The following PLEKHA5 variants were observed in gnomAD, a reference collection of about 807,000 sequenced individuals.
The protein encoded by PLEKHA5 is pleckstrin homology domain containing A5, also known as pleckstrin homology domain-containing family A member 5.
Under a neutral mutation model 181.9 loss-of-function variants are expected in PLEKHA5, and 55 were observed. The ratio of observed to expected loss-of-function variants is 0.30; its 90% confidence interval spans 0.24 to 0.38. PLEKHA5 has a LOEUF of 0.38. Among genes scored for constraint, PLEKHA5 ranks in the 10% least tolerant of loss-of-function variants. The probability of loss-of-function intolerance (pLI) is 1.00; values close to 1 mark genes in which losing one functional copy is unlikely to be tolerated. For synonymous variants in PLEKHA5, 535 were observed against 529.4 expected (o/e 1.01, Z -0.15); for missense variants, 1,432 against 1,549.5 (o/e 0.92, Z 1.27).
chr12:19,232,047 A>G (rs1172001852), intron 3 of PLEKHA5, among the ~76,000 whole-genome samples: 1 of 152,150 alleles, frequency 6.6e-6, no homozygotes, highest in Non-Finnish European at 1.5e-5. Context: ...ACGGGGAAGA[A>G]ATAGGATTAG....
At chr12:19,170,605 A>T (rs2045670370) in intron 3 of PLEKHA5, among the ~76,000 whole-genome samples, 1 of 152,184 alleles carries the variant, frequency 6.6e-6, no homozygotes, top group Admixed American at 6.5e-5. Context: ...TTTTTAGTAG[A>T]GACGAGGTTT....
At chr12:19,240,444 T>G (rs576413602) in intron 3 of PLEKHA5, among the ~76,000 whole-genome samples, 66 of 150,090 alleles carry the variant, frequency 4.4e-4, no homozygotes, top group African/African-American at 1.6e-3. Flanking sequence ...TAGGGAGTTT[T>G]TTTTTTTTTT....
chr12:19,230,335 C>T (rs961006517), intron 3 of PLEKHA5, among the ~76,000 whole-genome samples: 4 of 152,336 alleles, frequency 2.6e-5, no homozygotes, highest in African/African-American at 7.2e-5. Flanking sequence ...GGCGGACCTG[C>T]CCACCAGTCC....
chr12:19,201,755 A>G (rs1217054326), intron 3 of PLEKHA5: 2 of 152,138 alleles, frequency 1.3e-5, no homozygotes, highest in African/African-American at 4.8e-5. Context: ...TTTCCCAGAA[A>G]GGCAAATTAT....
intron 22 of PLEKHA5, among the ~76,000 whole-genome samples, chr12:19,345,089 G>A (rs1426121489): frequency 4.0e-5 from 6 of 151,430 alleles, no homozygotes; most frequent in Non-Finnish European, 8.8e-5. Context: ...CTGGGCAACA[G>A]AGTGAAAAAC....
At chr12:19,236,194 G>C (rs76845976) in intron 3 of PLEKHA5, among the ~76,000 whole-genome samples, 4 of 152,244 alleles carry the variant, frequency 2.6e-5, no homozygotes, top group Middle Eastern at 3.4e-3. Context: ...TGTTCACCAC[G>C]ATGTTAACAA....
At chr12:19,306,896 C>T in intron 15 of PLEKHA5, 1 of 812,842 alleles carries the variant, frequency 1.2e-6, no homozygotes, top group South Asian at 1.5e-5. Flanking sequence ...TAAGGCTTGT[C>T]TCTGTTGGCA....
intron 3 of PLEKHA5, among the ~76,000 whole-genome samples, chr12:19,166,650 A>G (rs778678904): frequency 1.3e-5 from 2 of 152,200 alleles, no homozygotes; most frequent in Non-Finnish European, 2.9e-5. Flanking sequence ...ACTCTCTGCA[A>G]TTTACTAGTT....
At position 19,203,862 on chromosome 12, in the gene PLEKHA5, CT is replaced by C. The variant is rs1247386863; in HGVS notation, c.228-50073del. Reference sequence around the variant, plus strand: ...TCACAGTTAGATTTTTTATTTGTTTCTTTTTAGTGAAGAATTTTCACTTTCT... The same window carrying C: ...TCACAGTTAGATTTTTTATTTGTTTCTTTTAGTGAAGAATTTTCACTTTCT... On this transcript the variant is annotated intron_variant, in intron 3 of 31. Coordinates refer to ENST00000429027, the MANE Select transcript of PLEKHA5 (RefSeq NM_001256470.2). Among the ~76,000 whole-genome samples the C allele has an allele frequency of 2.0e-4, 31 of 151,728 alleles. No homozygotes were observed. In the East Asian group the frequency reaches 6.0e-3, roughly 29 times the overall value.
At chr12:19,297,584 TGCAGTCC>T (rs1354002483) in intron 15 of PLEKHA5, among the ~76,000 whole-genome samples, 1 of 141,020 alleles carries the variant, frequency 7.1e-6, no homozygotes, top group Non-Finnish European at 1.5e-5. Flanking sequence ...ATTGCGCCAC[TGCAGTCC>T]GCAGTCCGGC....
chr12:19,212,835 G>GT (rs11290352), intron 3 of PLEKHA5, among the ~76,000 whole-genome samples: 35 of 138,152 alleles, frequency 2.5e-4, no homozygotes, highest in African/African-American at 5.1e-4. Context: ...TTTTTTTGTT[G>GT]TTTTTTTTTT....
intron 3 of PLEKHA5, among the ~76,000 whole-genome samples, chr12:19,212,354 A>G (rs2057087242): frequency 6.6e-6 from 1 of 152,216 alleles, no homozygotes; most frequent in Non-Finnish European, 1.5e-5. Context: ...GGCATCTGTT[A>G]AAACATTACT....
chr12:19,341,605 T>C (rs2093933549), intron 21 of PLEKHA5, among the ~76,000 whole-genome samples: 1 of 152,158 alleles, frequency 6.6e-6, no homozygotes, highest in Admixed American at 6.6e-5. Flanking sequence ...ACTTAGGTTA[T>C]GTAGTGCCTT....
intron 16 of PLEKHA5, among the ~76,000 whole-genome samples, chr12:19,316,768 CTG>C (rs560779292): frequency 7.4e-4 from 112 of 152,246 alleles, no homozygotes; most frequent in Admixed American, 1.7e-3. Flanking sequence ...ATTTTTTAAA[CTG>C]TGTTTATAAA....
intron 3 of PLEKHA5, among the ~76,000 whole-genome samples, chr12:19,163,912 C>G (rs1194462353): frequency 1.3e-5 from 2 of 152,112 alleles, no homozygotes; most frequent in Non-Finnish European, 2.9e-5. Context: ...ATTTTTCCTT[C>G]TAGCAACCAA....
intron 24 of PLEKHA5, 84 bp from the exon 25 acceptor site, chr12:19,348,315 A>T (rs1213837956): frequency 1.0e-6 from 1 of 979,010 alleles, no homozygotes; most frequent in Non-Finnish European, 1.5e-6. Context: ...TAATGTTTAG[A>T]GTTTGATTTG....
rs35536570 is a variant in PLEKHA5 at position 19,253,064 on chromosome 12, CTTTTTTTTT to C, written c.228-858_228-850del. Among the ~76,000 whole-genome samples the C allele has an allele frequency of 6.1e-4, 28 of 45,874 alleles. 1 individual carries two copies. Among genetic ancestry groups the C allele is most frequent in the South Asian group, 2.2e-3 (2 of 920 alleles). The allele number at this position is 45,874 out of a possible 152,430, so 30.1% of individuals were successfully genotyped here. ...GAGCTAAACAGCCAAATCAACTTACCTTTTTTTTTTTTTTTTTTTTTTTTTTGGGAGACA... is the reference window on the plus strand; with the variant it reads ...GAGCTAAACAGCCAAATCAACTTACCTTTTTTTTTTTTTTTTTGGGAGACA... On this transcript the variant is annotated intron_variant, in intron 3 of 31. Transcript: ENST00000429027.
intron 20 of PLEKHA5, among the ~76,000 whole-genome samples, chr12:19,331,847 A>T (rs988699862): frequency 7.2e-5 from 11 of 152,014 alleles, no homozygotes; most frequent in African/African-American, 2.7e-4. Flanking sequence ...ACATAGTGAG[A>T]CCTCAAGTTT....
intron 20 of PLEKHA5, among the ~76,000 whole-genome samples, chr12:19,327,045 T>C (rs2092225759): frequency 6.6e-6 from 1 of 152,178 alleles, no homozygotes. Flanking sequence ...ATGTGTATGT[T>C]TGGTAGAAAG....
Sources: gnomAD v4.1 joint callset for allele counts (sites outside exome capture counted in the v4.1 genomes callset) on GRCh38, gnomAD v4.1.1 for gene constraint, MANE v1.5 for transcripts, NCBI Gene and HGNC (gene_info 2026-07-23, HGNC 2026-07-21) for gene names.